Variants in FAAH2 observed in about 807,000 individuals in gnomAD.
FAAH2 encodes fatty acid amide hydrolase 2.
In FAAH2, 60 loss-of-function variants were observed where a neutral mutation model predicts 36.9. The ratio of observed to expected loss-of-function variants is 1.63; its 90% confidence interval spans 1.32 to 2.02. The LOEUF (loss-of-function observed/expected upper bound fraction) is 2.02. FAAH2 is among the 30% of genes most tolerant of loss of function. FAAH2 has a pLI of 0.00. For missense variants in FAAH2, 689 were observed against 397.5 expected (o/e 1.73, Z -6.23); for synonymous variants, 214 against 143.8 (o/e 1.49, Z -3.49).
chrX:57,253,606 G>T, the FAAH2 span, among the ~76,000 whole-genome samples: 1 of 111,772 alleles, frequency 8.9e-6, no homozygotes, highest in Non-Finnish European at 1.9e-5. Context: ...GAGATTGGGG[G>T]TCAACATTCA....
intron 10 of FAAH2, among the ~76,000 whole-genome samples, chrX:57,460,794 CACA>C (rs1016271976): frequency 4.5e-5 from 5 of 111,816 alleles, no homozygotes; most frequent in African/African-American, 1.6e-4. Flanking sequence ...CAATTTCACA[CACA>C]ACAATATTAA....
rs138902459 is a variant in FAAH2, at chrX:57,321,820, T to C, written c.413-9778T>C. ...GTTACTTGGTTATTATGCAGATTTGTTTGTGTTTTTGCTTTTTAGGGTCAC... is the reference window on the plus strand; with the variant it reads ...GTTACTTGGTTATTATGCAGATTTGCTTGTGTTTTTGCTTTTTAGGGTCAC... On this transcript the variant is annotated intron_variant, in intron 3 of 10. Transcript: ENST00000374900. Among the ~76,000 whole-genome samples, 453 of 111,405 alleles carry C rather than the reference T, an allele frequency of 4.1e-3. 5 individuals carry two copies. The highest frequency in any genetic ancestry group is 4.1e-3 in the Non-Finnish European group (220 of 53,105).
the FAAH2 span, chrX:57,135,478 C>A: frequency 3.9e-6 from 1 of 255,308 alleles, no homozygotes; most frequent in Admixed American, 6.3e-5. Context: ...GTTCCTTCCC[C>A]TGCCCCCTCC....
At chrX:57,424,942 C>G (rs1017513062) in intron 7 of FAAH2, among the ~76,000 whole-genome samples, 57 of 109,335 alleles carry the variant, frequency 5.2e-4, no homozygotes, top group African/African-American at 1.9e-3. Flanking sequence ...TAAAGATACT[C>G]AATGAAATCA....
chrX:57,227,812 C>T, the FAAH2 span, among the ~76,000 whole-genome samples: 2 of 111,675 alleles, frequency 1.8e-5, no homozygotes, highest in African/African-American at 6.5e-5. Context: ...TTAGTTGAGT[C>T]TTGCTGTGGC....
At chrX:57,346,371 A>G (rs770461585) in intron 5 of FAAH2, among the ~76,000 whole-genome samples, 1 of 111,750 alleles carries the variant, frequency 8.9e-6, no homozygotes, top group Non-Finnish European at 1.9e-5. Context: ...TCATTATATT[A>G]TGCCCTTCTT....
intron 4 of FAAH2, among the ~76,000 whole-genome samples, chrX:57,341,021 A>G (rs1009033573): frequency 1.4e-4 from 16 of 111,576 alleles, no homozygotes; most frequent in Admixed American, 7.6e-4. Context: ...AGACACACAA[A>G]CACAGACCCG....
At chrX:57,262,835 A>G in the FAAH2 span, among the ~76,000 whole-genome samples, 2 of 111,834 alleles carry the variant, frequency 1.8e-5, no homozygotes, top group African/African-American at 6.5e-5. Context: ...TATTCCCTAT[A>G]TATTAATAGA....
chrX:57,414,918 T>A (rs2055801701), intron 7 of FAAH2, among the ~76,000 whole-genome samples: 1 of 106,204 alleles, frequency 9.4e-6, no homozygotes, highest in South Asian at 4.3e-4. Flanking sequence ...TTGTTATTGG[T>A]CTATTCAGGG....
intron 3 of FAAH2, among the ~76,000 whole-genome samples, chrX:57,315,521 G>A (rs962963537): frequency 4.5e-5 from 5 of 111,158 alleles, no homozygotes; most frequent in Non-Finnish European, 7.6e-5. Context: ...TAAAATTCTA[G>A]CAAACCAAAT....
chrX:57,439,841 C>A (rs1479584899), intron 8 of FAAH2, among the ~76,000 whole-genome samples: 2 of 111,805 alleles, frequency 1.8e-5, no homozygotes, highest in Non-Finnish European at 3.8e-5. Flanking sequence ...TTTCCCAGCA[C>A]CATTTATTAA....
chrX:57,216,021 C>T, the FAAH2 span, among the ~76,000 whole-genome samples: 9 of 107,416 alleles, frequency 8.4e-5, no homozygotes, highest in Admixed American at 2.0e-4. Context: ...GAAGTGTGTA[C>T]GCGTATGTGT....
the FAAH2 span, among the ~76,000 whole-genome samples, chrX:57,204,179 A>G: frequency 6.3e-5 from 7 of 111,135 alleles, no homozygotes; most frequent in Admixed American, 4.8e-4. Context: ...TTCCCAAACA[A>G]GTACGCTCAT....
At chrX:57,218,485 A>T in the FAAH2 span, among the ~76,000 whole-genome samples, 1 of 112,225 alleles carries the variant, frequency 8.9e-6, no homozygotes, top group Non-Finnish European at 1.9e-5. Flanking sequence ...AATTCTGTTT[A>T]TATGGTGTAT....
the FAAH2 span, among the ~76,000 whole-genome samples, chrX:57,211,391 T>C: frequency 9.0e-6 from 1 of 111,287 alleles, no homozygotes; most frequent in African/African-American, 3.3e-5. Flanking sequence ...TTTGCACCTG[T>C]CATTTTGGGG....
chrX:57,380,405 T>A (rs902753598), intron 6 of FAAH2, among the ~76,000 whole-genome samples: 4 of 111,511 alleles, frequency 3.6e-5, no homozygotes, highest in Non-Finnish European at 5.7e-5. Context: ...TGAGACTCAA[T>A]ATATCTAAAA....
At chrX:57,399,671 T>G in intron 7 of FAAH2, among the ~76,000 whole-genome samples, 1 of 112,396 alleles carries the variant, frequency 8.9e-6, no homozygotes, top group Non-Finnish European at 1.9e-5. Flanking sequence ...TTTAGATTTC[T>G]GTGCAGCCAA....
the FAAH2 span, among the ~76,000 whole-genome samples, chrX:57,175,533 A>G: frequency 2.7e-5 from 3 of 111,969 alleles, no homozygotes; most frequent in East Asian, 2.8e-4. Flanking sequence ...GCCAACCTGT[A>G]TCTTTTAAGT....
intron 3 of FAAH2, among the ~76,000 whole-genome samples, chrX:57,316,875 A>G (rs772217887): frequency 8.9e-6 from 1 of 111,856 alleles, no homozygotes; most frequent in African/African-American, 3.2e-5. Context: ...AACTAAATGA[A>G]AAATTTACAA....
Sources: allele counts gnomAD v4.1 joint callset (sites outside exome capture counted in the v4.1 genomes callset), GRCh38; gene constraint gnomAD v4.1.1; transcripts MANE v1.5; gene names NCBI Gene and HGNC (gene_info 2026-07-23, HGNC 2026-07-21).